The following APC variants were observed in gnomAD, a reference collection of about 807,000 sequenced individuals.
APC encodes the protein APC regulator of Wnt signaling pathway.
In APC, 72 loss-of-function variants were observed where a neutral mutation model predicts 247.0. The observed-to-expected ratio is 0.29, with a 90% CI of 0.24 to 0.35. APC has a LOEUF of 0.35. APC is among the 10% of genes least tolerant of loss of function. The probability of loss-of-function intolerance (pLI) is 1.00; values close to 1 mark genes in which losing one functional copy is unlikely to be tolerated. For missense variants in APC, 3,400 were observed against 3,360.7 expected (o/e 1.01, Z -0.29); for synonymous variants, 1,254 against 1,162.5 (o/e 1.08, Z -1.60).
At chr5:112,778,920 A>G (rs1168724797) in intron 5 of APC, among the ~76,000 whole-genome samples, 8 of 152,206 alleles carry the variant, frequency 5.3e-5, no homozygotes, top group Non-Finnish European at 1.2e-4. Context: ...ATTTTCTACT[A>G]CTACTTTGAG....
At chr5:112,737,511 A>G (rs1752469733), upstream of APC, among the ~76,000 whole-genome samples, 1 of 152,254 alleles carries the variant, frequency 6.6e-6, no homozygotes. Flanking sequence ...TGCAAAAATC[A>G]TAGCAATCGA....
chr5:112,721,417 A>G (rs984320260), intron 1 of APC, among the ~76,000 whole-genome samples: 1 of 152,236 alleles, frequency 6.6e-6, no homozygotes, highest in African/African-American at 2.4e-5. Context: ...ATCTCAAAAA[A>G]TAAAAATAAA....
intron 4 of APC, among the ~76,000 whole-genome samples, chr5:112,772,060 G>T (rs977147548): frequency 2.0e-5 from 3 of 152,160 alleles, no homozygotes; most frequent in Non-Finnish European, 4.4e-5. Context: ...AGGAATTGTT[G>T]CTGTCATGTT....
rs758715972 is a variant in APC at position 112,841,842 on chromosome 5, T to C, written c.6248T>C (p.Ile2083Thr). 11 of 1,613,726 alleles carry C rather than the reference T, an allele frequency of 6.8e-6. No homozygotes were observed. Among genetic ancestry groups the C allele is most frequent in the East Asian group, 2.2e-5 (1 of 44,882 alleles). ...GATCTGACACTTGATTTGAAAGATA[T>C]ACAGAGACCAGATTCAGAACATGGT... is the stretch of plus-strand genomic sequence containing the variant. ...GEDLTLDLKD[I>T]QRPDSEHGLS... The change falls in exon 16 of 16, where the codon ATA becomes ACA. Residue 2083 changes from isoleucine (I) to threonine (T), a missense_variant. By Grantham distance (89) the Ile-to-Thr change is moderately conservative. Coordinates refer to ENST00000257430, the MANE Select transcript of APC (RefSeq NM_000038.6). This position sits in a 1 kb window ranked among gnomAD's most constrained non-coding sequence, Gnocchi z 4.6.
chr5:112,809,304 A>G (rs972219819), intron 8 of APC, among the ~76,000 whole-genome samples: 2 of 152,116 alleles, frequency 1.3e-5, no homozygotes, highest in Non-Finnish European at 2.9e-5. Context: ...AGCTGAAATC[A>G]TGGCACTGTA....
At position 112,839,734 on chromosome 5, in the gene APC, C is replaced by T. The variant is rs754571230; in HGVS notation, c.4140C>T (p.Thr1380=). 6.2e-7 allele frequency: 1 copy of T among 1,614,016 alleles called. No individual in the cohort carries two copies. Among genetic ancestry groups the T allele is most frequent in the Non-Finnish European group, 8.5e-7 (1 of 1,179,994 alleles). ...CACCTGAACACTATGTTCAGGAGACCCCACTCATGTTTAGCAGATGTACTT... is the reference window on the plus strand; with the variant it reads ...CACCTGAACACTATGTTCAGGAGACTCCACTCATGTTTAGCAGATGTACTT... ...KSPPEHYVQE[T]PLMFSRCTSV... Residue 1380 remains threonine, a synonymous_variant, in exon 16 of 16, where the codon ACC becomes ACT. Transcript: ENST00000257430. This position sits in a 1 kb window ranked among gnomAD's most constrained non-coding sequence, Gnocchi z 5.0.
At chr5:112,709,738 CA>C (rs1036246826) in intron 1 of APC, among the ~76,000 whole-genome samples, 3 of 150,402 alleles carry the variant, frequency 2.0e-5, no homozygotes, top group South Asian at 2.1e-4. Context: ...CTCATCTGTA[CA>C]AAAAAAAATA....
In APC at chr5:112,841,931, A is replaced by G. The variant is rs1324036331; in HGVS notation, c.6337A>G (p.Ser2113Gly). The change falls in exon 16 of 16, where the codon AGT becomes GGT. Residue 2113 changes from serine (S) to glycine (G), a missense_variant. Ser to Gly is a moderately conservative substitution (Grantham distance 56). Transcript: ENST00000257430. The surrounding 1 kb of genome is among the most constrained non-coding windows in gnomAD (Gnocchi z 4.6). ...AIQEGANSIV[S>G]SLHQAAAAAC... is the part of the protein sequence containing the mutation. ...TCAGGAAGGTGCAAATTCCATAGTA[A>G]GTAGTTTACATCAAGCTGCTGCTGC... 1 of 1,613,862 alleles carries G rather than the reference A, an allele frequency of 6.2e-7. No homozygotes were observed. The highest frequency in any genetic ancestry group is 8.5e-7 in the Non-Finnish European group (1 of 1,179,954).
At chr5:112,733,687 CA>C (rs1264036497), upstream of APC, among the ~76,000 whole-genome samples, 1 of 152,178 alleles carries the variant, frequency 6.6e-6, no homozygotes, top group Non-Finnish European at 1.5e-5. Flanking sequence ...TGTAAGTTAT[CA>C]AATGTGTGTT....
rs730881268 is a variant in APC, at chr5:112,843,471, C to G, written c.7877C>G (p.Thr2626Ser). 6.2e-7 allele frequency: 1 copy of G among 1,613,918 alleles called. No homozygotes were observed. Among genetic ancestry groups the G allele is most frequent in the Non-Finnish European group, 8.5e-7 (1 of 1,179,834 alleles). The change falls in exon 16 of 16, where the codon ACT becomes AGT. Residue 2626 changes from threonine (T) to serine (S), a missense_variant. Physicochemically the swap from Thr to Ser is moderately conservative, Grantham distance 58. This residue lies in a region of APC where 1,788 missense variants were observed against 1,649.5 expected (regional missense o/e 1.08). Transcript: ENST00000257430. The surrounding 1 kb of genome is among the most constrained non-coding windows in gnomAD (Gnocchi z 4.8). ...KENEFSPTNSTSQTVSSGATN... is the reference protein window; with the variant it reads ...KENEFSPTNSSSQTVSSGATN... ...AATGAATTTTCTCCCACAAATAGTACTTCTCAGACCGTTTCCTCAGGTGCT... is the reference window on the plus strand; with the variant it reads ...AATGAATTTTCTCCCACAAATAGTAGTTCTCAGACCGTTTCCTCAGGTGCT...
intron 4 of APC, among the ~76,000 whole-genome samples, chr5:112,774,582 T>G (rs1194474328): frequency 2.0e-5 from 3 of 146,420 alleles, no homozygotes; most frequent in Non-Finnish European, 4.5e-5. Flanking sequence ...CAGCTCAACC[T>G]CCCAAGTAGC....
chr5:112,766,222 T>G, intron 2 of APC, 104 bp from the exon 3 acceptor site: 1 of 780,084 alleles, frequency 1.3e-6, no homozygotes, highest in Non-Finnish European at 2.3e-6. Flanking sequence ...GCTTTGAGAG[T>G]GATCTGAATT....
At chr5:112,810,972 C>G (rs1019613479) in intron 8 of APC, among the ~76,000 whole-genome samples, 2 of 152,080 alleles carry the variant, frequency 1.3e-5, no homozygotes, top group African/African-American at 4.8e-5. Context: ...TGGTAGTGAG[C>G]TGAGATCACG....
chr5:112,732,163 A>G (rs1326732366), intron 1 of APC, among the ~76,000 whole-genome samples: 2 of 151,386 alleles, frequency 1.3e-5, no homozygotes, highest in Non-Finnish European at 3.0e-5. Flanking sequence ...AGGAAGAAGT[A>G]AGTTTCTTTC....
At chr5:112,779,259 T>G (rs1207336695) in intron 5 of APC, among the ~76,000 whole-genome samples, 1 of 152,180 alleles carries the variant, frequency 6.6e-6, no homozygotes, top group Non-Finnish European at 1.5e-5. Context: ...CAAAGTGTAG[T>G]TTTGCTTACC....
chr5:112,750,588 T>G (rs1037388586), intron 1 of APC, among the ~76,000 whole-genome samples: 1 of 152,196 alleles, frequency 6.6e-6, no homozygotes. Context: ...CATTATTTAT[T>G]TTAACGTAGT....
Position 112,762,654 on chromosome 5 carries a change from TAAAG to T in APC, c.136-3669_136-3666del, listed in dbSNP as rs540863228. On this transcript the variant is annotated intron_variant, in intron 2 of 15. Coordinates refer to ENST00000257430, the MANE Select transcript of APC (RefSeq NM_000038.6). ...TCAAGAGCATGCCAAACTCTTCTGA[TAAAG>T]AAGCCAGAATAGTGGTTACCTCTAG... 7.9e-5 allele frequency among the ~76,000 whole-genome samples: 12 copies of T among 152,300 alleles called. No homozygotes were observed. The East Asian group carries it at 1.3e-3, about 17-fold the overall frequency.
At chr5:112,812,659 G>T (rs539195111) in intron 8 of APC, among the ~76,000 whole-genome samples, 1 of 152,286 alleles carries the variant, frequency 6.6e-6, no homozygotes, top group African/African-American at 2.4e-5. Flanking sequence ...ACTGAATTGT[G>T]TATCTTCCTG....
intron 8 of APC, among the ~76,000 whole-genome samples, chr5:112,808,484 C>G (rs1761650110): frequency 6.6e-6 from 1 of 151,862 alleles, no homozygotes; most frequent in South Asian, 2.1e-4. Flanking sequence ...TAGTCAGGAT[C>G]TCACTCTCGC....
Sources: gnomAD v4.1 joint callset for allele counts (sites outside exome capture counted in the v4.1 genomes callset) on GRCh38, gnomAD v4.1.1 for gene constraint, gnomAD v4.1.1 regional missense constraint, Gnocchi (gnomAD v3.1) non-coding constraint, MANE v1.5 for transcripts, NCBI Gene and HGNC (gene_info 2026-07-23, HGNC 2026-07-21) for gene names.